The following MARCHF1 variants were observed in gnomAD, a reference collection of about 807,000 sequenced individuals.
The protein encoded by MARCHF1 is E3 ubiquitin-protein ligase MARCHF1.
Under a neutral mutation model 54.2 loss-of-function variants are expected in MARCHF1, and 40 were observed. The ratio of observed to expected loss-of-function variants is 0.74; its 90% CI spans 0.57 to 0.96. The LOEUF (loss-of-function observed/expected upper bound fraction) is 0.96. Among genes scored for constraint, MARCHF1 ranks in the 40% least tolerant of loss-of-function variants. The pLI is 0.00. For missense variants in MARCHF1, 586 were observed against 656.5 expected, an observed-to-expected ratio of 0.89 and a Z score of 1.17; for synonymous variants, 236 against 236.3, an observed-to-expected ratio of 1.00 and a Z score of 0.01.
chr4:164,293,295 C>T (rs1579695460), intron 1 of MARCHF1, among the ~76,000 whole-genome samples: 1 of 152,272 alleles, frequency 6.6e-6, no homozygotes, highest in Non-Finnish European at 1.5e-5. Flanking sequence ...CAATCACAAG[C>T]AGCCAAGCTT....
chr4:163,573,295 CTTA>C (rs34017689), intron 8 of MARCHF1, among the ~76,000 whole-genome samples: 52,305 of 144,086 alleles, frequency 0.36, 9,526 homozygotes, highest in African/African-American at 0.43. Flanking sequence ...TGCTTTTTCT[CTTA>C]TTATTATTAT....
At chr4:164,254,155 G>A (rs1442727508) in intron 1 of MARCHF1, among the ~76,000 whole-genome samples, 1 of 151,980 alleles carries the variant, frequency 6.6e-6, no homozygotes, top group Non-Finnish European at 1.5e-5. Flanking sequence ...AGGCTAGAGT[G>A]CAGTGGCGTG....
At chr4:163,950,453 G>A (rs1752112409) in intron 3 of MARCHF1, among the ~76,000 whole-genome samples, 1 of 152,226 alleles carries the variant, frequency 6.6e-6, no homozygotes, top group Non-Finnish European at 1.5e-5. Context: ...ATCAGGAGCA[G>A]GCACTTCTGA....
At chr4:164,284,526 C>A (rs1157142011) in intron 1 of MARCHF1, among the ~76,000 whole-genome samples, 1 of 151,010 alleles carries the variant, frequency 6.6e-6, no homozygotes, top group Non-Finnish European at 1.5e-5. Context: ...TTTAAAGAAG[C>A]AATCAACTTG....
intron 4 of MARCHF1, among the ~76,000 whole-genome samples, chr4:163,744,369 A>G (rs1003991909): frequency 3.9e-5 from 6 of 152,200 alleles, no homozygotes; most frequent in Non-Finnish European, 8.8e-5. Flanking sequence ...AAAGTTATTC[A>G]TCAGATTGCA....
intron 3 of MARCHF1, among the ~76,000 whole-genome samples, chr4:163,935,059 G>A (rs1156412460): frequency 6.6e-6 from 1 of 152,064 alleles, no homozygotes; most frequent in Non-Finnish European, 1.5e-5. Flanking sequence ...TCGGTGTTGT[G>A]TTAACAGACA....
chr4:163,975,198 A>T (rs201910696), intron 3 of MARCHF1, among the ~76,000 whole-genome samples: 147 of 126,624 alleles, frequency 1.2e-3, no homozygotes, highest in African/African-American at 5.0e-3. Context: ...TCTCTCTCTC[A>T]CACACACACA....
intron 3 of MARCHF1, among the ~76,000 whole-genome samples, chr4:163,975,052 T>G (rs1229391220): frequency 2.0e-5 from 3 of 152,180 alleles, no homozygotes; most frequent in African/African-American, 7.2e-5. Flanking sequence ...TGAGTCTCAG[T>G]CTTGCCAGCT....
intron 4 of MARCHF1, among the ~76,000 whole-genome samples, chr4:163,782,496 C>A (rs1319404327): frequency 1.3e-5 from 2 of 151,708 alleles, no homozygotes; most frequent in Non-Finnish European, 2.9e-5. Flanking sequence ...TATAGTGAAA[C>A]CCCGTCTCTA....
At chr4:164,112,564 A>G (rs1755856338) in intron 1 of MARCHF1, among the ~76,000 whole-genome samples, 1 of 151,936 alleles carries the variant, frequency 6.6e-6, no homozygotes, top group African/African-American at 2.4e-5. Flanking sequence ...TCAGAGTTGT[A>G]TCTGTTTATG....
intron 1 of MARCHF1, among the ~76,000 whole-genome samples, chr4:164,275,871 A>G (rs936775058): frequency 1.3e-5 from 2 of 152,206 alleles, no homozygotes; most frequent in African/African-American, 4.8e-5. Flanking sequence ...TATTGGAGTG[A>G]CATTGCCTTT....
chr4:163,753,723 A>G (rs193062651), intron 4 of MARCHF1, among the ~76,000 whole-genome samples: 221 of 152,334 alleles, frequency 1.5e-3, no homozygotes, highest in African/African-American at 5.2e-3. Flanking sequence ...ACAAAGAGCA[A>G]GCAAGGTAGT....
At chr4:164,377,072 A>G (rs1731214594) in intron 1 of MARCHF1, among the ~76,000 whole-genome samples, 1 of 152,176 alleles carries the variant, frequency 6.6e-6, no homozygotes, top group Non-Finnish European at 1.5e-5. Context: ...GCATTCTCCG[A>G]CTTCCAATCA....
chr4:164,263,516 T>C (rs550008040), intron 1 of MARCHF1, among the ~76,000 whole-genome samples: 10 of 152,202 alleles, frequency 6.6e-5, no homozygotes, highest in East Asian at 1.9e-4. Flanking sequence ...CTTGTATTAG[T>C]CTCCCCAGTA....
intron 2 of MARCHF1, among the ~76,000 whole-genome samples, chr4:164,061,824 T>C (rs1754623222): frequency 6.6e-6 from 1 of 152,198 alleles, no homozygotes. Flanking sequence ...AGTTTCAATC[T>C]TTTTGCTGGT....
chr4:164,308,974 AAAAAG>A (rs1483403886), intron 1 of MARCHF1, among the ~76,000 whole-genome samples: 26 of 152,008 alleles, frequency 1.7e-4, no homozygotes, highest in African/African-American at 6.3e-4. Context: ...AAAAAAAAAA[AAAAAG>A]AAAGAGAAAG....
At chr4:164,046,331 G>A (rs1754243444) in intron 2 of MARCHF1, among the ~76,000 whole-genome samples, 1 of 152,232 alleles carries the variant, frequency 6.6e-6, no homozygotes, top group South Asian at 2.1e-4. Context: ...AACAAAAGCT[G>A]TCAGTGTCTC....
intron 2 of MARCHF1, among the ~76,000 whole-genome samples, chr4:164,020,921 T>C (rs1046392229): frequency 1.3e-5 from 2 of 152,146 alleles, no homozygotes; most frequent in African/African-American, 2.4e-5. Context: ...ATAAAGACCA[T>C]AGTGACTACG....
intron 1 of MARCHF1, among the ~76,000 whole-genome samples, chr4:164,260,720 C>T (rs1442040954): frequency 1.3e-5 from 2 of 152,106 alleles, no homozygotes; most frequent in African/African-American, 4.8e-5. Flanking sequence ...CCTACAAAAT[C>T]GAATTGTATA....
Sources: gnomAD v4.1 joint callset for allele counts (sites outside exome capture counted in the v4.1 genomes callset) on GRCh38, gnomAD v4.1.1 for gene constraint, MANE v1.5 for transcripts, NCBI Gene and HGNC (gene_info 2026-07-23, HGNC 2026-07-21) for gene names.